The following DDIAS variants were observed in gnomAD, a reference collection of about 807,000 sequenced individuals.
The protein encoded by DDIAS is DNA damage-induced apoptosis suppressor protein.
DDIAS carries 14 observed loss-of-function variants against 15.7 expected under a neutral mutation model. That is an observed-to-expected ratio of 0.89 (90% CI 0.59 to 1.39). The LOEUF is 1.39. DDIAS is among the 40% of genes most tolerant of loss of function. DDIAS has a pLI of 0.00. For missense variants in DDIAS, 1,035 were observed against 1,130.9 expected (o/e 0.92, Z 1.22); for synonymous variants, 355 against 395.9 (o/e 0.90, Z 1.23).
rs1166263347 is a variant in DDIAS at position 82,932,915 on chromosome 11, G to A, written c.1577G>A (p.Gly526Glu). ...GAGGCTGTCTCTGTAAATCATAATG[G>A]AAGAGATATGTCAGAATATTTTTTA... ...KVEAVSVNHNGRDMSEYFLPN... is the reference protein window; with the variant it reads ...KVEAVSVNHNERDMSEYFLPN... The change falls in exon 6 of 6, where the codon GGA becomes GAA. Residue 526 changes from glycine (G) to glutamate (E), a missense_variant. Gly to Glu is a moderately conservative substitution (Grantham distance 98). Transcript: ENST00000533655. The A allele has an allele frequency of 1.2e-6, 2 of 1,612,184 alleles. No individual in the cohort carries two copies. Among genetic ancestry groups the A allele is most frequent in the South Asian group, 2.2e-5 (2 of 90,934 alleles).
chr11:82,932,141 G>A lies in DDIAS; in HGVS notation c.803G>A (p.Gly268Asp). 3.1e-6 allele frequency: 5 copies of A among 1,614,078 alleles called. No individual in the cohort carries two copies. The highest frequency in any genetic ancestry group is 1.1e-5 in the South Asian group (1 of 91,086). ...GCTTCAGAACAAAGTAAGGCCTTTG[G>A]TACTCTTCAGCAGAACAGAAAGTCC... is the stretch of plus-strand genomic sequence containing the variant. ...FSASEQSKAF[G>D]TLQQNRKSIS... is the part of the protein sequence containing the mutation. Residue 268 changes from glycine (G) to aspartate (D), a missense_variant, in exon 6 of 6, where the codon GGT becomes GAT. Coordinates refer to ENST00000533655, the MANE Select transcript of DDIAS (RefSeq NM_145018.4).
Position 82,932,321 on chromosome 11 carries a change from G to A in DDIAS, c.983G>A (p.Ser328Asn), listed in dbSNP as rs1861010647. ...QAKELSAVHS[S>N]HHEIGVNDSN... is the part of the protein sequence containing the mutation. ...AAGGAGCTGAGTGCAGTTCACAGCA[G>A]TCATCATGAAATTGGAGTTAATGAC... is the stretch of plus-strand genomic sequence containing the variant. The change falls in exon 6 of 6, where the codon AGT (serine) becomes AAT (asparagine). Residue 328 changes from serine (S) to asparagine (N), a missense_variant. Coordinates refer to ENST00000533655, the MANE Select transcript of DDIAS (RefSeq NM_145018.4). 8.1e-6 allele frequency: 13 copies of A among 1,613,936 alleles called. No homozygotes were observed. The highest frequency in any genetic ancestry group is 1.3e-5 in the African/African-American group (1 of 74,908).
rs1399124234 is a variant in DDIAS, at chr11:82,931,948, T to A, written c.610T>A (p.Leu204Ile). The A allele has an allele frequency of 6.2e-7, 1 of 1,614,030 alleles. No homozygotes were observed. Among genetic ancestry groups the A allele is most frequent in the East Asian group, 2.2e-5 (1 of 44,898 alleles). ...TGACTCTCAGGCACCTAACAATCAC[T>A]TACTTGCTTTAGATCACTCAAATAG... Reference protein sequence around the residue: ...QCDSQAPNNHLLALDHSNSDL... With the variant: ...QCDSQAPNNHILALDHSNSDL... Residue 204 changes from leucine (L) to isoleucine (I), a missense_variant, in exon 6 of 6, where the codon TTA becomes ATA. Transcript: ENST00000533655.
intron 1 of DDIAS, among the ~76,000 whole-genome samples, chr11:82,904,999 T>C (rs1426967973): frequency 6.6e-6 from 1 of 152,194 alleles, no homozygotes; most frequent in African/African-American, 2.4e-5. Context: ...CGTGGTAAAT[T>C]AGTAGAACAT....
chr11:82,926,335 C>T (rs904840091), intron 3 of DDIAS, among the ~76,000 whole-genome samples: 2 of 151,998 alleles, frequency 1.3e-5, no homozygotes, highest in African/African-American at 4.8e-5. Flanking sequence ...GTGGTCTGCC[C>T]GCCACAGCCT....
Position 82,933,272 on chromosome 11 carries a change from G to A in DDIAS, c.1934G>A (p.Ser645Asn), listed in dbSNP as rs200270693. The A allele has an allele frequency of 1.5e-4, 244 of 1,613,296 alleles. 6 individuals are homozygous for A. The South Asian group carries it at 2.2e-3, about 15-fold the overall frequency. ...ACTCTTTGCAATAGTCCAAATAGAA[G>A]TACAAATACATTGAAAGAAATGCCT... ...LETLCNSPNR[S>N]TNTLKEMPWG... is the part of the protein sequence containing the mutation. Residue 645 changes from serine to asparagine, a missense_variant, in exon 6 of 6, where the codon AGT (serine) becomes AAT (asparagine). Transcript: ENST00000533655.
At chr11:82,918,551 G>C (rs1860679012) in intron 3 of DDIAS, among the ~76,000 whole-genome samples, 1 of 152,128 alleles carries the variant, frequency 6.6e-6, no homozygotes, top group Non-Finnish European at 1.5e-5. Context: ...GTCTTGCTTT[G>C]GCTGTGCAGG....
intron 1 of DDIAS, among the ~76,000 whole-genome samples, chr11:82,902,916 GA>G (rs755788070): frequency 5.9e-5 from 9 of 152,196 alleles, no homozygotes; most frequent in Non-Finnish European, 1.0e-4. Context: ...ACCTTTTATG[GA>G]TGGAATTAAG....
intron 4 of DDIAS, among the ~76,000 whole-genome samples, chr11:82,929,703 C>CAAA (rs35770177): frequency 3.5e-5 from 3 of 86,358 alleles, no homozygotes; most frequent in African/African-American, 4.9e-5. Flanking sequence ...GACTCTGTCT[C>CAAA]AAAAAAAAAA....
intron 3 of DDIAS, among the ~76,000 whole-genome samples, chr11:82,925,805 G>A (rs1437402070): frequency 2.6e-5 from 4 of 151,788 alleles, no homozygotes; most frequent in East Asian, 1.9e-4. Flanking sequence ...TGGCTAACAC[G>A]GTGAAACCCT....
At chr11:82,913,728 G>C (rs1244676911) in intron 2 of DDIAS, 1 of 444,144 alleles carries the variant, frequency 2.3e-6, no homozygotes, top group Non-Finnish European at 4.5e-6. Context: ...CACCAATTTA[G>C]GTTCTTTAAA....
intron 3 of DDIAS, among the ~76,000 whole-genome samples, chr11:82,924,775 G>A (rs755415152): frequency 2.0e-5 from 3 of 151,704 alleles, no homozygotes; most frequent in African/African-American, 4.8e-5. Flanking sequence ...AGATCATACC[G>A]TTGCACTCCA....
At chr11:82,925,422 C>A (rs1218490987) in intron 3 of DDIAS, among the ~76,000 whole-genome samples, 3 of 151,962 alleles carry the variant, frequency 2.0e-5, no homozygotes, top group Non-Finnish European at 4.4e-5. Context: ...CACAGTGAGA[C>A]CCCCATCTCT....
chr11:82,930,161 A>C lies in DDIAS; in HGVS notation c.280A>C (p.Ile94Leu). 2 of 1,552,044 alleles carry C rather than the reference A, an allele frequency of 1.3e-6. No homozygotes were observed. The highest frequency in any genetic ancestry group is 2.3e-5 in the East Asian group (1 of 43,716). Residue 94 changes from isoleucine to leucine, a missense_variant, in exon 5 of 6, where the codon ATT becomes CTT. Physicochemically the swap from Ile to Leu is conservative, Grantham distance 5 (BLOSUM62 2). Transcript: ENST00000533655. Reference sequence around the variant, plus strand: ...TTTACTTTTTTTCCAATCAAGGTACATTCAGGATCCTAATAAAATTCCAGA... The same window carrying C: ...TTTACTTTTTTTCCAATCAAGGTACCTTCAGGATCCTAATAAAATTCCAGA... ...GLTATGLHRYIQDPNKIPETL... is the reference protein window; with the variant it reads ...GLTATGLHRYLQDPNKIPETL...
chr11:82,914,648 T>C (rs921559132), intron 2 of DDIAS, 75 bp from the exon 3 acceptor site: 135 of 684,542 alleles, frequency 2.0e-4, no homozygotes, highest in Non-Finnish European at 3.4e-4. Flanking sequence ...AGAGGTTAAG[T>C]GGTTTTCCTA....
chr11:82,906,677 A>G (rs1337002003), intron 1 of DDIAS, among the ~76,000 whole-genome samples: 1 of 152,208 alleles, frequency 6.6e-6, no homozygotes, highest in East Asian at 1.9e-4. Flanking sequence ...TCTGTTTTAG[A>G]GCCCTAAAGA....
intron 5 of DDIAS, among the ~76,000 whole-genome samples, chr11:82,930,678 A>G (rs1319673455): frequency 2.0e-5 from 3 of 152,154 alleles, no homozygotes; most frequent in Admixed American, 2.0e-4. Context: ...TATCTTGAGT[A>G]TTGATAAGAA....
rs1860599406 is a variant in DDIAS, at chr11:82,914,771, A to G, written c.33A>G (p.Ser11=). ...GAAGACGAAAATTTCTTCTAGCCTCAGTACTTGCTCTCCAGAATTCAAGTT... is the reference window on the plus strand; with the variant it reads ...GAAGACGAAAATTTCTTCTAGCCTCGGTACTTGCTCTCCAGAATTCAAGTT... MNRRRKFLLA[S]VLALQNSSFI... The change falls in exon 3 of 6, where the codon TCA becomes TCG. Residue 11 remains serine (S), a synonymous_variant. Transcript: ENST00000533655. 1.2e-6 allele frequency: 2 copies of G among 1,610,566 alleles called. No homozygotes were observed. Among genetic ancestry groups the G allele is most frequent in the Non-Finnish European group, 1.7e-6 (2 of 1,177,054 alleles).
rs1280407385 is a variant in DDIAS, at chr11:82,934,302, T to C, written c.2964T>C (p.Thr988=). ...SEKGPPSVCE[T]RSAWSPELFS ...AAGGCCCACCTTCAGTGTGTGAAAC[T>C]CGAAGTGCTTGGTCACCTGAATTGT... is the stretch of plus-strand genomic sequence containing the variant. Residue 988 remains threonine, a synonymous_variant, in exon 6 of 6, where the codon ACT becomes ACC. Coordinates refer to ENST00000533655, the MANE Select transcript of DDIAS (RefSeq NM_145018.4). 4 of 1,600,628 alleles carry C rather than the reference T, an allele frequency of 2.5e-6. No individual in the cohort carries two copies. Among genetic ancestry groups the C allele is most frequent in the Non-Finnish European group, 3.4e-6 (4 of 1,175,868 alleles).
Sources: allele counts gnomAD v4.1 joint callset (sites outside exome capture counted in the v4.1 genomes callset), GRCh38; gene constraint gnomAD v4.1.1; transcripts MANE v1.5; gene names NCBI Gene and HGNC (gene_info 2026-07-23, HGNC 2026-07-21).